Variants in IARS1 observed in about 807,000 individuals in gnomAD.
The protein encoded by IARS1 is isoleucine--tRNA ligase, cytoplasmic.
Under a neutral mutation model 168.2 loss-of-function variants are expected in IARS1, and 124 were observed. The ratio of observed to expected loss-of-function variants is 0.74; its 90% CI spans 0.64 to 0.86. The LOEUF is 0.86. Ranked by LOEUF, IARS1 falls within the 40% of genes least tolerant of loss-of-function variation. The pLI is 0.00. For synonymous variants in IARS1, 532 were observed against 529.4 expected (o/e 1.00, Z -0.07); for missense variants, 1,452 against 1,515.8 (o/e 0.96, Z 0.70).
rs752168557 is a variant in IARS1 at position 92,280,743 on chromosome 9, T to G, written c.745+3A>C. On this transcript the variant is annotated splice_donor_region_variant and intron_variant, in intron 7 of 33. Transcript: ENST00000443024. The stretch of plus-strand genomic sequence containing the variant: ...AATCATAAGTAACCAGCCTCCCACT[T>G]ACCTTTAATTTTCACATATTGCATT... 4 of 1,603,102 alleles carry G rather than the reference T, an allele frequency of 2.5e-6. No homozygotes were observed. Among genetic ancestry groups the G allele is most frequent in the Non-Finnish European group, 3.4e-6 (4 of 1,173,878 alleles).
intron 20 of IARS1, among the ~76,000 whole-genome samples, chr9:92,254,737 G>A (rs1039650113): frequency 2.0e-5 from 3 of 152,104 alleles, no homozygotes; most frequent in Non-Finnish European, 4.4e-5. Flanking sequence ...CAACACACAG[G>A]GGCAGCAGCA....
At chr9:92,221,206 G>C (rs72750409) in intron 33 of IARS1, among the ~76,000 whole-genome samples, 4,653 of 152,234 alleles carry the variant, frequency 0.031, 111 homozygotes, top group South Asian at 0.079. Flanking sequence ...TAGGAAAAGA[G>C]AATAAGAGGT....
chr9:92,216,030 G>A (rs1211090942), intron 33 of IARS1, among the ~76,000 whole-genome samples: 5 of 148,558 alleles, frequency 3.4e-5, no homozygotes, highest in Admixed American at 6.7e-5. Context: ...GAGAAAGGTC[G>A]GGTTACCCAC....
At chr9:92,237,634 CTT>C (rs1291991772) in intron 30 of IARS1, among the ~76,000 whole-genome samples, 1 of 152,128 alleles carries the variant, frequency 6.6e-6, no homozygotes, top group Admixed American at 6.6e-5. Flanking sequence ...TTTTGTAACT[CTT>C]TTGTTAGACG....
intron 6 of IARS1, among the ~76,000 whole-genome samples, chr9:92,284,865 T>C (rs142375119): frequency 4.5e-4 from 68 of 152,304 alleles, no homozygotes; most frequent in Middle Eastern, 3.4e-3. Flanking sequence ...ATTCTCTACA[T>C]TGTTAAGTGC....
chr9:92,287,591 G>A, intron 4 of IARS1, 200 bp downstream of exon 4: 1 of 444,188 alleles, frequency 2.3e-6, no homozygotes, highest in Non-Finnish European at 3.8e-6. Flanking sequence ...AAGAAAGTTA[G>A]ACCAATTAAG....
Position 92,284,154 on chromosome 9 carries a change from G to T in IARS1, c.597+1568C>A, listed in dbSNP as rs137972940. On this transcript the variant is annotated intron_variant, in intron 6 of 33. Transcript: ENST00000443024. ...ATCGTGCCACTGCACTCTAGCCTGG[G>T]TGACATAGCGAGATCCTATCTCAAA... Among the ~76,000 whole-genome samples, 1,491 of 152,294 alleles carry T rather than the reference G, an allele frequency of 9.8e-3. 14 individuals carry two copies. The highest frequency in any genetic ancestry group is 0.017 in the Non-Finnish European group (1,129 of 68,038).
intron 26 of IARS1, 147 bp downstream of exon 26, chr9:92,247,230 T>TAAGGA (rs978095480): frequency 8.4e-5 from 49 of 586,208 alleles, no homozygotes; most frequent in African/African-American, 6.6e-4. Context: ...GAGAAGAGAG[T>TAAGGA]AAGGAAAGGA....
At chr9:92,250,312 T>C in intron 23 of IARS1, 23 bp from the exon 24 acceptor site, 2 of 1,403,228 alleles carry the variant, frequency 1.4e-6, no homozygotes, top group Non-Finnish European at 2.0e-6. Context: ...GGTAGGAATA[T>C]GAAAGAGTTT....
chr9:92,242,090 A>T, intron 29 of IARS1, 64 bp downstream of exon 29: 1 of 1,231,246 alleles, frequency 8.1e-7, no homozygotes, highest in Non-Finnish European at 1.2e-6. Context: ...TCAACACGTG[A>T]GTACACAAAG....
chr9:92,282,862 T>TA (rs1564187774), intron 6 of IARS1, among the ~76,000 whole-genome samples: 2,935 of 126,080 alleles, frequency 0.023, 38 homozygotes, highest in East Asian at 0.047. Context: ...ATATATATAT[T>TA]TTTTTTTTTT....
chr9:92,253,247 C>G (rs1830265507), intron 21 of IARS1, 115 bp downstream of exon 21: 1 of 695,816 alleles, frequency 1.4e-6, no homozygotes, highest in Non-Finnish European at 2.5e-6. Flanking sequence ...AAAAACAAAG[C>G]TTCAAAAACG....
At chr9:92,241,638 A>G (rs1234834060) in intron 29 of IARS1, among the ~76,000 whole-genome samples, 1 of 152,172 alleles carries the variant, frequency 6.6e-6, no homozygotes, top group Non-Finnish European at 1.5e-5. Flanking sequence ...CACTGTGCCC[A>G]GTCTAAATGA....
At chr9:92,235,384 G>T (rs1441650506) in intron 30 of IARS1, among the ~76,000 whole-genome samples, 3 of 151,940 alleles carry the variant, frequency 2.0e-5, no homozygotes, top group African/African-American at 7.3e-5. Context: ...AGTCCACAAA[G>T]GTCTCATCTC....
chr9:92,285,604 TG>T, intron 6 of IARS1, 117 bp downstream of exon 6: 1 of 644,524 alleles, frequency 1.6e-6, no homozygotes. Flanking sequence ...GTCAAAGTGG[TG>T]GATGTCGTGG....
chr9:92,270,552 T>C (rs1418411430), intron 12 of IARS1, among the ~76,000 whole-genome samples: 1 of 152,134 alleles, frequency 6.6e-6, no homozygotes, highest in Non-Finnish European at 1.5e-5. Context: ...CTCAGCACTT[T>C]GGGAGGACAA....
intron 30 of IARS1, among the ~76,000 whole-genome samples, chr9:92,233,000 C>A (rs145506083): frequency 2.1e-3 from 327 of 152,316 alleles, no homozygotes; most frequent in Non-Finnish European, 4.0e-3. Context: ...AAACTTAAGT[C>A]TTTCTGACCT....
intron 31 of IARS1, among the ~76,000 whole-genome samples, chr9:92,224,479 AG>A (rs1380175830): frequency 2.6e-5 from 4 of 152,232 alleles, no homozygotes; most frequent in Admixed American, 2.6e-4. Context: ...ACTGGTGACA[AG>A]GAAGTTAGGG....
chr9:92,277,674 TAAAA>T (rs34636470), intron 9 of IARS1, among the ~76,000 whole-genome samples, 185 bp downstream of exon 9: 4,109 of 143,630 alleles, frequency 0.029, 86 homozygotes, highest in South Asian at 0.082. Flanking sequence ...ACCCTGTTTT[TAAAA>T]AAAAAAAAAA....
Sources: allele counts gnomAD v4.1 joint callset (sites outside exome capture counted in the v4.1 genomes callset), GRCh38; gene constraint gnomAD v4.1.1; transcripts MANE v1.5; gene names NCBI Gene and HGNC (gene_info 2026-07-23, HGNC 2026-07-21).